The following THRAP3 variants were observed in gnomAD, a reference collection of about 807,000 sequenced individuals.
THRAP3 encodes thyroid hormone receptor-associated protein 3.
Under a neutral mutation model 101.0 loss-of-function variants are expected in THRAP3, and 16 were observed. The ratio of observed to expected loss-of-function variants is 0.16; its 90% confidence interval spans 0.11 to 0.24. The LOEUF is 0.24. Among genes scored for constraint, THRAP3 ranks in the 10% least tolerant of loss-of-function variants. The pLI, the probability that THRAP3 is intolerant of heterozygous loss-of-function variation, is 1.00. For synonymous variants in THRAP3, 407 were observed against 422.6 expected (o/e 0.96, Z 0.45); for missense variants, 989 against 1,202.7 (o/e 0.82, Z 2.63).
At chr1:36,227,835 A>T (rs1644979253) in intron 1 of THRAP3, among the ~76,000 whole-genome samples, 1 of 152,098 alleles carries the variant, frequency 6.6e-6, no homozygotes, top group Non-Finnish European at 1.5e-5. Flanking sequence ...CAACAGAGTG[A>T]TACCTGGATT....
intron 1 of THRAP3, among the ~76,000 whole-genome samples, chr1:36,252,830 C>G (rs1268507779): frequency 3.3e-5 from 5 of 150,596 alleles, no homozygotes; most frequent in Non-Finnish European, 5.9e-5. Context: ...TCTCTTGAAC[C>G]CGGAGGACAG....
At chr1:36,264,418 T>C (rs1042037312) in intron 2 of THRAP3, among the ~76,000 whole-genome samples, 2 of 152,226 alleles carry the variant, frequency 1.3e-5, no homozygotes, top group Admixed American at 1.3e-4. Context: ...CAGGAATGGG[T>C]GGCAGAGCCA....
At chr1:36,293,801 A>T in intron 7 of THRAP3, 50 bp from the exon 8 acceptor site, 1 of 1,459,996 alleles carries the variant, frequency 6.8e-7, no homozygotes, top group Non-Finnish European at 9.6e-7. Flanking sequence ...TATTACCAGT[A>T]TCATATTCAC....
intron 1 of THRAP3, chr1:36,225,569 T>C (rs1415235560): frequency 6.6e-6 from 1 of 152,204 alleles, no homozygotes; most frequent in Non-Finnish European, 1.5e-5. Context: ...TATAGGTTTT[T>C]TTTTTAGAGT....
At chr1:36,287,928 G>A in intron 4 of THRAP3, 1 of 985,202 alleles carries the variant, frequency 1.0e-6, no homozygotes, top group Non-Finnish European at 1.2e-6. Flanking sequence ...ATGGCAGAGA[G>A]GTTACAGGGA....
intron 1 of THRAP3, among the ~76,000 whole-genome samples, chr1:36,246,337 A>G (rs552919521): frequency 3.3e-5 from 5 of 152,242 alleles, no homozygotes; most frequent in South Asian, 2.1e-4. Flanking sequence ...GGTTCAAGCA[A>G]TTCTCCTGCC....
intron 1 of THRAP3, among the ~76,000 whole-genome samples, chr1:36,255,086 A>T (rs1195378015): frequency 3.3e-5 from 5 of 149,440 alleles, no homozygotes; most frequent in Non-Finnish European, 7.4e-5. Context: ...TATGCTTAGT[A>T]TTTTTTTTTT....
chr1:36,243,273 T>C (rs1053927203), intron 1 of THRAP3, among the ~76,000 whole-genome samples: 38 of 149,668 alleles, frequency 2.5e-4, no homozygotes, highest in African/African-American at 9.1e-4. Flanking sequence ...CACAGGACAA[T>C]AGTGGAGGGA....
chr1:36,270,305 G>A (rs1013379983), intron 2 of THRAP3, among the ~76,000 whole-genome samples: 9 of 151,956 alleles, frequency 5.9e-5, no homozygotes, highest in African/African-American at 4.8e-5. Flanking sequence ...TGGGAGGATC[G>A]GTTGAGCCAG....
the THRAP3 span, among the ~76,000 whole-genome samples, chr1:36,219,243 G>A: frequency 1.1e-4 from 16 of 152,202 alleles, no homozygotes; most frequent in Non-Finnish European, 2.2e-4. Context: ...TGAGGAAGCT[G>A]CAGAAAAAAG....
Position 36,289,073 on chromosome 1 carries a change from C to A in THRAP3, c.1054C>A (p.Gln352Lys). ...TTTTATAAATAGGTATCTAGAAGAG[C>A]AGAAGACAGAGAATGGAAAAGATAA... ...AAYTKRYLEE[Q>K]KTENGKDKEQ... The change falls in exon 5 of 12, where the codon CAG becomes AAG. Residue 352 changes from glutamine (Q) to lysine (K), a missense_variant. Coordinates refer to ENST00000354618, the MANE Select transcript of THRAP3 (RefSeq NM_005119.4). The A allele has an allele frequency of 6.3e-7, 1 of 1,586,948 alleles. No individual in the cohort carries two copies. The highest frequency in any genetic ancestry group is 1.2e-5 in the South Asian group (1 of 85,730).
chr1:36,300,311 C>T (rs9659735), intron 9 of THRAP3, among the ~76,000 whole-genome samples: 46,193 of 151,990 alleles, frequency 0.3, 7,742 homozygotes, highest in East Asian at 0.65. Context: ...AATCCAGACT[C>T]TGCTCGCTTC....
At chr1:36,217,512 C>T in the THRAP3 span, among the ~76,000 whole-genome samples, 2 of 151,670 alleles carry the variant, frequency 1.3e-5, no homozygotes, top group South Asian at 2.1e-4. Context: ...TCTTGTTTTA[C>T]TGTGCTTTGT....
intron 1 of THRAP3, among the ~76,000 whole-genome samples, chr1:36,227,568 C>T (rs1644976088): frequency 6.6e-6 from 1 of 152,134 alleles, no homozygotes; most frequent in Non-Finnish European, 1.5e-5. Context: ...CAGGCATAAG[C>T]TACTGCGCCC....
chr1:36,268,626 C>T (rs186184642), intron 2 of THRAP3, among the ~76,000 whole-genome samples: 1 of 152,302 alleles, frequency 6.6e-6, no homozygotes, highest in Admixed American at 6.5e-5. Flanking sequence ...TCTCAGCTTC[C>T]ATAGTACGAG....
chr1:36,229,942 G>A (rs901827899), intron 1 of THRAP3, among the ~76,000 whole-genome samples: 94 of 140,148 alleles, frequency 6.7e-4, no homozygotes, highest in Non-Finnish European at 1.1e-3. Flanking sequence ...GTGAGCCATC[G>A]CGCCCAGCCT....
the THRAP3 span, among the ~76,000 whole-genome samples, chr1:36,207,801 T>G: frequency 2.0e-5 from 3 of 152,084 alleles, no homozygotes; most frequent in Admixed American, 6.6e-5. Flanking sequence ...TTTTTTATTT[T>G]TATTTTTTTG....
intron 1 of THRAP3, among the ~76,000 whole-genome samples, chr1:36,238,317 C>G (rs1190178026): frequency 1.3e-5 from 2 of 152,098 alleles, no homozygotes; most frequent in African/African-American, 2.4e-5. Context: ...CTTGATTTTT[C>G]TGTTTGTGGG....
intron 2 of THRAP3, among the ~76,000 whole-genome samples, chr1:36,272,685 A>G (rs1010005095): frequency 2.0e-5 from 3 of 152,178 alleles, no homozygotes; most frequent in Non-Finnish European, 4.4e-5. Context: ...TCTTATCTCT[A>G]TCAGTTGATG....
Sources: gnomAD v4.1 joint callset for allele counts (sites outside exome capture counted in the v4.1 genomes callset) on GRCh38, gnomAD v4.1.1 for gene constraint, MANE v1.5 for transcripts, NCBI Gene and HGNC (gene_info 2026-07-23, HGNC 2026-07-21) for gene names.